The following SLC9C1 variants were observed in gnomAD, a reference collection of about 807,000 sequenced individuals.
The protein encoded by SLC9C1 is solute carrier family 9 member C1.
SLC9C1 carries 97 observed loss-of-function variants against 140.9 expected under a neutral mutation model. The observed-to-expected ratio is 0.69, with a 90% confidence interval of 0.58 to 0.82. The LOEUF is 0.82. SLC9C1 is among the 40% of genes least tolerant of loss of function. The pLI is 0.00. For missense variants in SLC9C1, 1,340 were observed against 1,389.3 expected (o/e 0.96, Z 0.56); for synonymous variants, 440 against 442.6 (o/e 0.99, Z 0.07).
chr3:112,186,002 T>A, intron 20 of SLC9C1: 1 of 1,523,152 alleles, frequency 6.6e-7, no homozygotes, highest in Non-Finnish European at 8.8e-7. Flanking sequence ...CCCCGCGGTA[T>A]TTAGCACCTT....
chr3:112,243,622 C>T (rs1181920277), intron 11 of SLC9C1, among the ~76,000 whole-genome samples: 1 of 152,050 alleles, frequency 6.6e-6, no homozygotes, highest in Non-Finnish European at 1.5e-5. Context: ...TGTAACCAAC[C>T]TGCACATGTC....
chr3:112,217,271 A>G (rs11921877), intron 15 of SLC9C1, among the ~76,000 whole-genome samples, 171 bp downstream of exon 15: 116,443 of 152,124 alleles, frequency 0.77, 44,935 homozygotes, highest in East Asian at 0.99. Context: ...GAGTTAATGA[A>G]TGAAGCACAC....
At chr3:112,233,063 A>AT (rs60539670) in intron 12 of SLC9C1, among the ~76,000 whole-genome samples, 80,357 of 139,416 alleles carry the variant, frequency 0.58, 23,871 homozygotes, top group East Asian at 0.75. Flanking sequence ...ATATATATAT[A>AT]TATATTATAT....
chr3:112,160,952 G>A (rs2075279148), intron 26 of SLC9C1, among the ~76,000 whole-genome samples: 1 of 152,078 alleles, frequency 6.6e-6, no homozygotes, highest in African/African-American at 2.4e-5. Context: ...ACTTTTTAAT[G>A]ATTGCCATTC....
chr3:112,147,269 G>A (rs2074828879), intron 28 of SLC9C1, among the ~76,000 whole-genome samples: 1 of 152,098 alleles, frequency 6.6e-6, no homozygotes, highest in South Asian at 2.1e-4. Context: ...TTACGTGGGG[G>A]TGTTTACACC....
At chr3:112,179,775 T>C in intron 22 of SLC9C1, 74 bp from the exon 23 acceptor site, 1 of 1,329,678 alleles carries the variant, frequency 7.5e-7, no homozygotes, top group South Asian at 1.7e-5. Flanking sequence ...TTATGACTTT[T>C]TCCACTTTGG....
chr3:112,274,034 A>T (rs1015680345), intron 6 of SLC9C1, among the ~76,000 whole-genome samples: 2 of 152,128 alleles, frequency 1.3e-5, no homozygotes, highest in East Asian at 3.9e-4. Flanking sequence ...GCGCAAGTGC[A>T]CCACAATAAA....
intron 7 of SLC9C1, among the ~76,000 whole-genome samples, chr3:112,266,881 A>G (rs2079932769): frequency 6.6e-6 from 1 of 152,216 alleles, no homozygotes; most frequent in Non-Finnish European, 1.5e-5. Flanking sequence ...TAATTACTGT[A>G]GACCTATTAA....
rs552825602 is a variant in SLC9C1, at chr3:112,162,178, A to G, written c.3364+5043T>C. On this transcript the variant is annotated intron_variant, in intron 26 of 28. Coordinates refer to ENST00000305815, the MANE Select transcript of SLC9C1 (RefSeq NM_183061.3). Reference sequence around the variant, plus strand: ...GCTTAAGGAGATTTTGGGCTGAGACAATGGGGTTATCTAGATATACAATCA... The same window carrying G: ...GCTTAAGGAGATTTTGGGCTGAGACGATGGGGTTATCTAGATATACAATCA... Among the ~76,000 whole-genome samples, 952 of 152,244 alleles carry G rather than the reference A, an allele frequency of 6.3e-3. 14 individuals carry two copies. Among genetic ancestry groups the G allele is most frequent in the African/African-American group, 0.022 (907 of 41,534 alleles).
chr3:112,214,019 C>T (rs565962879), intron 15 of SLC9C1, among the ~76,000 whole-genome samples: 2 of 152,314 alleles, frequency 1.3e-5, no homozygotes, highest in Admixed American at 6.5e-5. Context: ...TCTCAGACCA[C>T]AGTGCAATCA....
At chr3:112,266,487 G>T in intron 7 of SLC9C1, 147 bp from the exon 8 acceptor site, 1 of 597,702 alleles carries the variant, frequency 1.7e-6, no homozygotes, top group Non-Finnish European at 2.9e-6. Context: ...GAAAAATATT[G>T]CAAATTATTA....
intron 20 of SLC9C1, among the ~76,000 whole-genome samples, chr3:112,182,760 T>C (rs2107963073): frequency 6.6e-6 from 1 of 152,328 alleles, no homozygotes; most frequent in Non-Finnish European, 1.5e-5. Context: ...TCCTCCTTTA[T>C]GTTCTCCTCT....
intron 20 of SLC9C1, among the ~76,000 whole-genome samples, chr3:112,189,073 GTTGT>G (rs762702768): frequency 0.2 from 30,269 of 151,838 alleles, 3,304 homozygotes; most frequent in Middle Eastern, 0.26. Flanking sequence ...TTTTGATGGG[GTTGT>G]TTGTTTTTTT....
At position 112,221,146 on chromosome 3, in the gene SLC9C1, A is replaced by G. The variant is rs779423598; in HGVS notation, c.1652T>C (p.Phe551Ser). 1 of 1,613,602 alleles carries G rather than the reference A, an allele frequency of 6.2e-7. No homozygotes were observed. Among genetic ancestry groups the G allele is most frequent in the Non-Finnish European group, 8.5e-7 (1 of 1,179,702 alleles). ...TACTTACTTTCCCTTCTTCTCACCAAAACTTTCTGCTGCACCAACCAACAC... is the reference window on the plus strand; with the variant it reads ...TACTTACTTTCCCTTCTTCTCACCAGAACTTTCTGCTGCACCAACCAACAC... ...VQVLVGAAES[F>S]GEKKGKCMSL... Residue 551 changes from phenylalanine to serine, a missense_variant, in exon 14 of 29, where the codon TTT becomes TCT. Transcript: ENST00000305815.
intron 13 of SLC9C1, among the ~76,000 whole-genome samples, chr3:112,229,636 T>A (rs2078769653): frequency 6.6e-6 from 1 of 151,888 alleles, no homozygotes; most frequent in African/African-American, 2.4e-5. Context: ...TGTGCGTGTA[T>A]GTGTGTGTGT....
At chr3:112,275,695 T>G (rs1408753204) in intron 5 of SLC9C1, among the ~76,000 whole-genome samples, 1 of 152,160 alleles carries the variant, frequency 6.6e-6, no homozygotes, top group Non-Finnish European at 1.5e-5. Context: ...TGAAAGTCCT[T>G]TCTGTGAATC....
At chr3:112,280,547 T>A in intron 3 of SLC9C1, 136 bp downstream of exon 3, 1 of 736,870 alleles carries the variant, frequency 1.4e-6, no homozygotes, top group South Asian at 2.0e-5. Flanking sequence ...CCTGACGTGA[T>A]GCTAGCCACA....
At position 112,218,650 on chromosome 3, in the gene SLC9C1, G is replaced by T. The variant is rs530469953; in HGVS notation, c.1671-1089C>A. Among the ~76,000 whole-genome samples the T allele has an allele frequency of 6.6e-5, 10 of 152,264 alleles. No individual in the cohort carries two copies. The East Asian group carries it at 1.9e-3, about 29-fold the overall frequency. On this transcript the variant is annotated intron_variant, in intron 14 of 28. Coordinates refer to ENST00000305815, the MANE Select transcript of SLC9C1 (RefSeq NM_183061.3). Reference sequence around the variant, plus strand: ...ATAAACCATAAAGAAATACTGGTCTGCCCTCAAGGCTGCAGCAGACTAGTG... The same window carrying T: ...ATAAACCATAAAGAAATACTGGTCTTCCCTCAAGGCTGCAGCAGACTAGTG...
At chr3:112,150,787 CATATACATAT>C (rs1434143250) in intron 28 of SLC9C1, among the ~76,000 whole-genome samples, 5 of 29,976 alleles carry the variant, frequency 1.7e-4, no homozygotes, top group African/African-American at 1.8e-4. Context: ...TATATAAATA[CATATACATAT>C]ATATATATAT....
Sources: allele counts gnomAD v4.1 joint callset (sites outside exome capture counted in the v4.1 genomes callset), GRCh38; gene constraint gnomAD v4.1.1; transcripts MANE v1.5; gene names NCBI Gene and HGNC (gene_info 2026-07-23, HGNC 2026-07-21).